Variants in GSPT1 observed in about 807,000 individuals in gnomAD.
GSPT1 encodes the protein G1 to S phase transition 1.
A neutral mutation model predicts 72.5 loss-of-function variants in GSPT1; 20 were observed. The observed-to-expected ratio is 0.28, with a 90% CI of 0.19 to 0.40. GSPT1 has a LOEUF of 0.40. GSPT1 is among the 10% of genes least tolerant of loss of function. The probability of loss-of-function intolerance (pLI) is 1.00; values close to 1 mark genes in which losing one functional copy is unlikely to be tolerated. For missense variants in GSPT1, 580 were observed against 811.9 expected (o/e 0.71, Z 3.47); for synonymous variants, 334 against 293.5 (o/e 1.14, Z -1.41).
intron 10 of GSPT1, among the ~76,000 whole-genome samples, chr16:11,884,303 A>C (rs1318946108): frequency 3.3e-5 from 5 of 152,188 alleles, no homozygotes; most frequent in Non-Finnish European, 7.3e-5. Flanking sequence ...TAATAAGAAA[A>C]TCCTTTGAGC....
Position 11,868,623 on chromosome 16 carries a change from A to G in GSPT1, c.*4496T>C, listed in dbSNP as rs537935807. ...AGAGTGCAAGCGCTCCAGCTCCAGC[A>G]CACACACTCTTCCCTGGGCAGCAGG... On this transcript the variant is annotated 3_prime_UTR_variant, in exon 15 of 15. Coordinates refer to ENST00000434724, the MANE Select transcript of GSPT1 (RefSeq NM_002094.4). 1.1e-4 allele frequency: 16 copies of G among 152,288 alleles called. No homozygotes were observed. The highest frequency in any genetic ancestry group is 3.1e-4 in the African/African-American group (13 of 41,540). 9.4% of individuals were successfully genotyped at this position (152,288 alleles called of 1,614,324 possible).
At chr16:11,904,128 C>T (rs971590797) in intron 1 of GSPT1, 3 of 227,636 alleles carry the variant, frequency 1.3e-5, no homozygotes, top group Admixed American at 4.3e-5. Flanking sequence ...GGCAACACTT[C>T]GGGAGCCATG....
chr16:11,885,407 T>C lies in GSPT1; in HGVS notation c.1254-133A>G, dbSNP rs73511660. On this transcript the variant is annotated intron_variant, in intron 9 of 14. Transcript: ENST00000434724. ...TTCTTCCCATTCAACCACTTTATTA[T>C]CCATTTCATCTCACTTATTCCACAG... 2.2e-3 allele frequency: 1,305 copies of C among 604,778 alleles called. 17 individuals carry two copies. Among genetic ancestry groups the C allele is most frequent in the African/African-American group, 0.021 (1,151 of 54,348 alleles). 37.5% of individuals were successfully genotyped at this position (604,778 alleles called of 1,614,324 possible).
rs371711971 is a variant in GSPT1, at chr16:11,882,907, T to C, written c.1428+108A>G. 1.9e-4 allele frequency: 134 copies of C among 687,882 alleles called. No individual in the cohort carries two copies. The African/African-American group carries it at 2.1e-3, about 11-fold the overall frequency. 42.6% of individuals were successfully genotyped at this position (687,882 alleles called of 1,614,324 possible). On this transcript the variant is annotated intron_variant, in intron 11 of 14. Coordinates refer to ENST00000434724, the MANE Select transcript of GSPT1 (RefSeq NM_002094.4). ...GAAAGTTTGAGGCTGCAATAAGCTA[T>C]GAATGCGCCACTGTACTCCTGCCTC...
chr16:11,909,786 G>A lies in GSPT1; in HGVS notation c.352+5583C>T, dbSNP rs143394248. 1.1e-3 allele frequency among the ~76,000 whole-genome samples: 173 copies of A among 152,192 alleles called. 1 individual carries two copies. Among genetic ancestry groups the A allele is most frequent in the African/African-American group, 3.8e-3 (159 of 41,512 alleles). On this transcript the variant is annotated intron_variant, in intron 1 of 14. Coordinates refer to ENST00000434724, the MANE Select transcript of GSPT1 (RefSeq NM_002094.4). ...CTAAAAATACAAAAATTAGCTGGGC[G>A]TGGTGGCGGGCACCTGTAATCTCAG...
intron 9 of GSPT1, among the ~76,000 whole-genome samples, chr16:11,885,619 C>A (rs944741671): frequency 6.6e-6 from 1 of 152,154 alleles, no homozygotes; most frequent in Non-Finnish European, 1.5e-5. Context: ...TGGCTGCGTG[C>A]AGTGGCTCAT....
chr16:11,902,161 T>C (rs1232047829), intron 1 of GSPT1, among the ~76,000 whole-genome samples: 4 of 149,482 alleles, frequency 2.7e-5, no homozygotes. Flanking sequence ...GGCGGGTGGA[T>C]CACAAGGTCA....
intron 5 of GSPT1, among the ~76,000 whole-genome samples, chr16:11,894,155 C>CAAAAAAAAAAAAAAAAAAAA (rs57226427): frequency 7.0e-5 from 3 of 42,674 alleles, no homozygotes; most frequent in African/African-American, 2.6e-4. Flanking sequence ...GACCCTATCT[C>CAAAAAAAAAAAAAAAAAAAA]AAAAAAAAAA....
intron 1 of GSPT1, among the ~76,000 whole-genome samples, chr16:11,899,408 G>A (rs545520643): frequency 2.6e-5 from 4 of 151,990 alleles, no homozygotes; most frequent in Admixed American, 6.6e-5. Flanking sequence ...ATGAACTAGA[G>A]TGGGCAAGAC....
In GSPT1 at chr16:11,915,186, C is replaced by T. The variant is rs1254824566; in HGVS notation, c.352+183G>A. On this transcript the variant is annotated intron_variant, in intron 1 of 14. Transcript: ENST00000434724. The stretch of plus-strand genomic sequence containing the variant: ...CGCTGTCCGCTCCCCGCCCGGCCAC[C>T]GCCGCGGGCCGCCCCGCGAAGGCCG... 5 of 1,053,916 alleles carry T rather than the reference C, an allele frequency of 4.7e-6. No homozygotes were observed. In the East Asian group the frequency reaches 2.6e-4, roughly 55 times the overall value. 65.3% of individuals were successfully genotyped at this position (1,053,916 alleles called of 1,614,324 possible). A position where few individuals can be genotyped will look rare whatever the true frequency, so the allele number is the denominator to read the frequency against.
At chr16:11,876,996 CTG>C (rs2054056755) in intron 12 of GSPT1, among the ~76,000 whole-genome samples, 1 of 152,216 alleles carries the variant, frequency 6.6e-6, no homozygotes, top group Admixed American at 6.5e-5. Flanking sequence ...GTCACTTACT[CTG>C]TCATTCTCCC....
At chr16:11,898,787 T>C (rs1049343664) in intron 1 of GSPT1, among the ~76,000 whole-genome samples, 2 of 152,152 alleles carry the variant, frequency 1.3e-5, no homozygotes, top group African/African-American at 2.4e-5. Flanking sequence ...ACTCATGTTA[T>C]CAAAATCCCT....
Position 11,871,976 on chromosome 16 carries a change from G to A in GSPT1, c.*1143C>T, listed in dbSNP as rs958069100. 8 of 152,182 alleles carry A rather than the reference G, an allele frequency of 5.3e-5. No individual in the cohort carries two copies. The highest frequency in any genetic ancestry group is 1.9e-4 in the African/African-American group (8 of 41,444). 9.4% of individuals were successfully genotyped at this position (152,182 alleles called of 1,614,324 possible). ...TTGAGATAAAACTTATACCCTGCTT[G>A]ATTCTGCTTATCGCTGATAATTTTA... On this transcript the variant is annotated 3_prime_UTR_variant, in exon 15 of 15. Transcript: ENST00000434724.
intron 14 of GSPT1, among the ~76,000 whole-genome samples, chr16:11,875,511 C>A (rs944813520): frequency 1.3e-5 from 2 of 152,130 alleles, no homozygotes; most frequent in African/African-American, 4.8e-5. Flanking sequence ...AAATAGCCCT[C>A]CAAATCCACT....
chr16:11,879,410 A>G (rs1194844666), intron 11 of GSPT1, among the ~76,000 whole-genome samples: 1 of 150,180 alleles, frequency 6.7e-6, no homozygotes, highest in African/African-American at 2.5e-5. Flanking sequence ...AAAAGAAAGA[A>G]ACAAGAGTTT....
intron 1 of GSPT1, among the ~76,000 whole-genome samples, chr16:11,910,635 A>G (rs2054545709): frequency 6.6e-6 from 1 of 152,228 alleles, no homozygotes; most frequent in African/African-American, 2.4e-5. Context: ...GAACACTTTC[A>G]GACATTTCTT....
Position 11,869,406 on chromosome 16 carries a change from CTATTATTTGGA to C in GSPT1, c.*3702_*3712del, listed in dbSNP as rs2053953810. The C allele has an allele frequency of 6.6e-6, 1 of 152,184 alleles. No individual in the cohort carries two copies. Among genetic ancestry groups the C allele is most frequent in the Non-Finnish European group, 1.5e-5 (1 of 68,042 alleles). 9.4% of individuals were successfully genotyped at this position (152,184 alleles called of 1,614,324 possible). On this transcript the variant is annotated 3_prime_UTR_variant, in exon 15 of 15. Transcript: ENST00000434724. ...AAAGTTAGCTGCAAGAAATAAAAGC[CTATTATTTGGA>C]GATAGATAATTGTCCCCTGAATCCA...
chr16:11,891,419 TGGCACAATCTC>T (rs2054259581), intron 5 of GSPT1, among the ~76,000 whole-genome samples: 1 of 150,552 alleles, frequency 6.6e-6, no homozygotes, highest in South Asian at 2.1e-4. Flanking sequence ...TGGAGTGCAA[TGGCACAATCTC>T]GGCTCACTGC....
intron 1 of GSPT1, among the ~76,000 whole-genome samples, chr16:11,912,978 G>A (rs985471329): frequency 3.3e-5 from 5 of 152,220 alleles, no homozygotes; most frequent in Admixed American, 1.3e-4. Context: ...CAGCTTTCCC[G>A]GCATGCAGTT....
Sources: gnomAD v4.1 joint callset for allele counts (sites outside exome capture counted in the v4.1 genomes callset) on GRCh38, gnomAD v4.1.1 for gene constraint, MANE v1.5 for transcripts, NCBI Gene and HGNC (gene_info 2026-07-23, HGNC 2026-07-21) for gene names.